BBS9: variants seen among roughly 807,000 people sequenced by gnomAD.
BBS9 encodes the protein protein PTHB1.
A neutral mutation model predicts 117.7 loss-of-function variants in BBS9; 89 were observed. That is an observed-to-expected ratio of 0.76 (90% CI 0.64 to 0.90). The LOEUF (loss-of-function observed/expected upper bound fraction) is 0.90, where lower values mean the gene tolerates loss of function less well. Among genes scored for constraint, BBS9 ranks in the 40% least tolerant of loss-of-function variants. The pLI is 0.00. For synonymous variants in BBS9, 379 were observed against 370.9 expected (o/e 1.02, Z -0.25); for missense variants, 982 against 1,042.2 (o/e 0.94, Z 0.80).
chr7:33,158,573 A>G (rs1794403651), intron 4 of BBS9, among the ~76,000 whole-genome samples: 3 of 152,156 alleles, frequency 2.0e-5, no homozygotes, highest in African/African-American at 7.2e-5. Flanking sequence ...AAGTGCTATT[A>G]CCTGACATTT....
chr7:33,315,299 C>G (rs1474722117), intron 9 of BBS9, among the ~76,000 whole-genome samples: 2 of 152,140 alleles, frequency 1.3e-5, no homozygotes, highest in African/African-American at 4.8e-5. Context: ...GGCTAGTAGA[C>G]TCATCATTGC....
At chr7:33,485,857 G>A (rs897893721) in intron 19 of BBS9, among the ~76,000 whole-genome samples, 4 of 152,138 alleles carry the variant, frequency 2.6e-5, no homozygotes, top group African/African-American at 9.7e-5. Context: ...CCAGTTCTTT[G>A]CTGGAATGGA....
chr7:33,230,225 C>G lies in BBS9; in HGVS notation c.443-27011C>G, dbSNP rs1792088210. Reference sequence around the variant, plus strand: ...AGGCTACCATTTCGTTGATTGTTTCCTTTGCTGTATAGAAGCTTTTTAGTT... The same window carrying G: ...AGGCTACCATTTCGTTGATTGTTTCGTTTGCTGTATAGAAGCTTTTTAGTT... On this transcript the variant is annotated intron_variant, in intron 5 of 22. Transcript: ENST00000242067. 2.6e-5 allele frequency among the ~76,000 whole-genome samples: 4 copies of G among 151,962 alleles called. No individual in the cohort carries two copies. In the South Asian group the frequency reaches 8.3e-4, roughly 31 times the overall value.
rs1193581670 is a variant in BBS9, at chr7:33,522,464, T to C, written c.2299-11490T>C. On this transcript the variant is annotated intron_variant, in intron 20 of 22. Transcript: ENST00000242067. The stretch of plus-strand genomic sequence containing the variant: ...CTAACTGGTGTGAGATGGTATCTCA[T>C]TGTGGTTTTGATTTGCATTTCTCTG... Among the ~76,000 whole-genome samples, 39 of 151,868 alleles carry C rather than the reference T, an allele frequency of 2.6e-4. No homozygotes were observed. In the East Asian group the frequency reaches 7.0e-3, roughly 27 times the overall value.
At chr7:33,343,128 T>C (rs1816864099) in intron 11 of BBS9, among the ~76,000 whole-genome samples, 1 of 152,152 alleles carries the variant, frequency 6.6e-6, no homozygotes, top group African/African-American at 2.4e-5. Context: ...AGAATCCCCA[T>C]TGCTTAGAAG....
intron 21 of BBS9, among the ~76,000 whole-genome samples, chr7:33,566,198 A>G (rs1210662923): frequency 6.6e-6 from 1 of 151,888 alleles, no homozygotes; most frequent in Non-Finnish European, 1.5e-5. Context: ...TATTGTTAAG[A>G]TATTGGCATA....
In BBS9 at chr7:33,534,089, A is replaced by T. The variant is rs779871496; in HGVS notation, c.2434A>T (p.Ile812Phe). The change falls in exon 21 of 23, where the codon ATC becomes TTC. Residue 812 changes from isoleucine to phenylalanine, a missense_variant. Ile to Phe is a conservative substitution (Grantham distance 21). Coordinates refer to ENST00000242067, the MANE Select transcript of BBS9 (RefSeq NM_198428.3). Reference protein sequence around the residue: ...PKDTSQLKKHITLLCDRLSKG... With the variant: ...PKDTSQLKKHFTLLCDRLSKG... ...AGACACAAGCCAACTGAAGAAACAT[A>T]TCACCTTGCTCTGCGATAGATTATC... 76 of 1,614,096 alleles carry T rather than the reference A, an allele frequency of 4.7e-5. No individual in the cohort carries two copies. The highest frequency in any genetic ancestry group is 6.3e-5 in the Non-Finnish European group (74 of 1,180,038).
At chr7:33,214,438 A>G (rs1369955349) in intron 5 of BBS9, among the ~76,000 whole-genome samples, 3 of 152,146 alleles carry the variant, frequency 2.0e-5, no homozygotes, top group Non-Finnish European at 4.4e-5. Flanking sequence ...TTTTGGTTAT[A>G]CTGTGATATG....
At chr7:33,173,949 C>G (rs930535736) in intron 4 of BBS9, among the ~76,000 whole-genome samples, 2 of 152,182 alleles carry the variant, frequency 1.3e-5, no homozygotes, top group Non-Finnish European at 2.9e-5. Context: ...GAAATTTCTG[C>G]TAATTTCCAA....
At chr7:33,542,790 TACACACAC>T (rs368494839) in intron 21 of BBS9, among the ~76,000 whole-genome samples, 9,583 of 134,180 alleles carry the variant, frequency 0.071, 476 homozygotes, top group African/African-American at 0.14. Context: ...TATATATATG[TACACACAC>T]ACACACACAC....
At chr7:33,501,472 A>G (rs1405866642) in intron 19 of BBS9, among the ~76,000 whole-genome samples, 1 of 152,178 alleles carries the variant, frequency 6.6e-6, no homozygotes, top group Non-Finnish European at 1.5e-5. Flanking sequence ...GCACAGGAAT[A>G]TATCCAATGA....
chr7:33,242,589 C>T (rs1394999226), intron 5 of BBS9, among the ~76,000 whole-genome samples: 1 of 151,994 alleles, frequency 6.6e-6, no homozygotes, highest in Admixed American at 6.6e-5. Context: ...TTTGAACAAA[C>T]ATTTTATACA....
intron 9 of BBS9, among the ~76,000 whole-genome samples, chr7:33,289,249 G>A (rs1237325739): frequency 6.6e-6 from 1 of 152,180 alleles, no homozygotes; most frequent in Non-Finnish European, 1.5e-5. Context: ...CTGAGGGGTG[G>A]AAGGGCCTGG....
chr7:33,389,068 T>C (rs1367166878), intron 19 of BBS9, among the ~76,000 whole-genome samples: 1 of 152,248 alleles, frequency 6.6e-6, no homozygotes, highest in African/African-American at 2.4e-5. Flanking sequence ...AACTATGGTA[T>C]AATATCATAA....
intron 19 of BBS9, among the ~76,000 whole-genome samples, chr7:33,472,705 A>C (rs1841223638): frequency 6.6e-6 from 1 of 152,178 alleles, no homozygotes; most frequent in African/African-American, 2.4e-5. Flanking sequence ...TGTGTAAGCT[A>C]TTTGGGCCAA....
At chr7:33,420,064 C>T (rs1180382293) in intron 19 of BBS9, among the ~76,000 whole-genome samples, 1 of 152,054 alleles carries the variant, frequency 6.6e-6, no homozygotes, top group African/African-American at 2.4e-5. Context: ...ATGACCTGCC[C>T]AAAGTTCTGC....
intron 19 of BBS9, among the ~76,000 whole-genome samples, chr7:33,481,473 TA>T (rs1842504232): frequency 6.6e-6 from 1 of 152,134 alleles, no homozygotes; most frequent in Non-Finnish European, 1.5e-5. Flanking sequence ...ATTTCAGAAT[TA>T]AATTATGTAA....
chr7:33,191,171 T>C (rs1396525784), intron 5 of BBS9, among the ~76,000 whole-genome samples: 3 of 152,168 alleles, frequency 2.0e-5, no homozygotes, highest in African/African-American at 7.2e-5. Flanking sequence ...AGCAGCAACA[T>C]ACAGTCTTTT....
intron 19 of BBS9, among the ~76,000 whole-genome samples, chr7:33,389,703 A>AT (rs1156491207): frequency 4.6e-5 from 7 of 151,608 alleles, no homozygotes; most frequent in African/African-American, 1.7e-4. Context: ...AAAAAAAAAA[A>AT]AAAAAAAAAA....
Sources: allele counts gnomAD v4.1 joint callset (sites outside exome capture counted in the v4.1 genomes callset), GRCh38; gene constraint gnomAD v4.1.1; transcripts MANE v1.5; gene names NCBI Gene and HGNC (gene_info 2026-07-23, HGNC 2026-07-21).